ANK2: variants seen among roughly 807,000 people sequenced by gnomAD.
The protein encoded by ANK2 is ankyrin 2.
Under a neutral mutation model 360.5 loss-of-function variants are expected in ANK2, and 83 were observed. The ratio of observed to expected loss-of-function variants is 0.23; its 90% CI spans 0.19 to 0.28. The LOEUF (loss-of-function observed/expected upper bound fraction) is 0.28, where lower values mean the gene tolerates loss of function less well. ANK2 is among the 10% of genes least tolerant of loss of function. The pLI, the probability that ANK2 is intolerant of heterozygous loss-of-function variation, is 1.00. For missense variants in ANK2, 4,201 were observed against 4,795.7 expected, an observed-to-expected ratio of 0.88 and a Z score of 3.66; for synonymous variants, 1,740 against 1,759.5, an observed-to-expected ratio of 0.99 and a Z score of 0.28.
Position 113,358,558 on chromosome 4 carries a change from C to T in ANK2, c.9940C>T (p.Pro3314Ser). ...TGTAAGGACTATGCCCACTTCCACC[C>T]CAGCACCTCCATCTGCAGAGTATGA... ...IPVRTMPTST[P>S]APPSAEYESS... The change falls in exon 38 of 46, where the codon CCA becomes TCA. Residue 3314 changes from proline to serine, a missense_variant. Pro to Ser is a moderately conservative substitution (Grantham distance 74). Transcript: ENST00000357077. The T allele has an allele frequency of 6.2e-7, 1 of 1,614,062 alleles. No individual in the cohort carries two copies. Among genetic ancestry groups the T allele is most frequent in the African/African-American group, 1.3e-5 (1 of 75,044 alleles).
At chr4:113,026,668 A>G (rs996245925) in intron 2 of ANK2, among the ~76,000 whole-genome samples, 3 of 152,166 alleles carry the variant, frequency 2.0e-5, no homozygotes, top group Non-Finnish European at 2.9e-5. Context: ...GAACATAGAA[A>G]AGATTTAGTA....
chr4:113,148,292 C>T (rs748214005), intron 1 of ANK2, among the ~76,000 whole-genome samples: 13 of 152,114 alleles, frequency 8.5e-5, no homozygotes, highest in Non-Finnish European at 1.3e-4. Flanking sequence ...TCATGTATTT[C>T]TATTGTGGTT....
intron 1 of ANK2, among the ~76,000 whole-genome samples, chr4:113,173,625 C>A (rs2098080081): frequency 6.6e-6 from 1 of 152,184 alleles, no homozygotes; most frequent in Non-Finnish European, 1.5e-5. Flanking sequence ...TCTGGAGCAA[C>A]TCTCTTCGGA....
chr4:112,715,721 C>G, the ANK2 span, among the ~76,000 whole-genome samples: 3 of 152,290 alleles, frequency 2.0e-5, no homozygotes, highest in East Asian at 5.8e-4. Flanking sequence ...CACCCTCAGA[C>G]ACAAGCTCTA....
At chr4:113,185,029 A>G (rs145085251) in intron 2 of ANK2, among the ~76,000 whole-genome samples, 1 of 152,334 alleles carries the variant, frequency 6.6e-6, no homozygotes, top group East Asian at 1.9e-4. Context: ...TGCAAAGGAC[A>G]TGAACTCATC....
At chr4:113,329,118 G>C (rs371254672) in intron 26 of ANK2, among the ~76,000 whole-genome samples, 2 of 152,220 alleles carry the variant, frequency 1.3e-5, no homozygotes, top group African/African-American at 4.8e-5. Context: ...TTGTGAAAGA[G>C]AGTACACACA....
intron 29 of ANK2, among the ~76,000 whole-genome samples, chr4:113,334,208 G>A (rs1321697240): frequency 6.6e-6 from 1 of 152,150 alleles, no homozygotes; most frequent in Non-Finnish European, 1.5e-5. Flanking sequence ...AATAAGAATA[G>A]AGGCCAGGCT....
intron 2 of ANK2, among the ~76,000 whole-genome samples, chr4:113,017,805 G>A (rs2057036955): frequency 2.0e-5 from 3 of 152,174 alleles, no homozygotes; most frequent in Admixed American, 2.0e-4. Context: ...AATGGTATGT[G>A]ATGCAATGGG....
chr4:112,920,635 A>G (rs897781484), intron 2 of ANK2, among the ~76,000 whole-genome samples: 17 of 152,190 alleles, frequency 1.1e-4, no homozygotes, highest in Admixed American at 3.9e-4. Flanking sequence ...ATTCTCTTGG[A>G]TTTCCACAGG....
intron 27 of ANK2, 69 bp downstream of exon 27, chr4:113,330,539 G>C: frequency 6.6e-7 from 1 of 1,513,692 alleles, no homozygotes; most frequent in Non-Finnish European, 9.1e-7. Context: ...AAATCACTAG[G>C]ATGGAATGGA....
At chr4:112,844,642 G>C (rs910232960) in intron 1 of ANK2, among the ~76,000 whole-genome samples, 1 of 152,138 alleles carries the variant, frequency 6.6e-6, no homozygotes, top group African/African-American at 2.4e-5. Flanking sequence ...ATCAAAATAG[G>C]TAAAATACCT....
intron 37 of ANK2, 136 bp from the exon 38 acceptor site, chr4:113,352,909 T>A: frequency 1.1e-6 from 1 of 929,242 alleles, no homozygotes; most frequent in Non-Finnish European, 1.6e-6. Context: ...GGATCTACCA[T>A]TCCCAGCCCA....
chr4:113,278,479 A>G lies in ANK2; in HGVS notation c.1802A>G (p.His601Arg), dbSNP rs2061063570. ...TTACAGAACGGCCTTACCCCGCTCC[A>G]TGTTGCTGCTCATTATGACAACCAG... ...SAGKNGLTPLHVAAHYDNQKV... is the reference protein window; with the variant it reads ...SAGKNGLTPLRVAAHYDNQKV... Residue 601 changes from histidine to arginine, a missense_variant, in exon 17 of 46, where the codon CAT becomes CGT. This residue lies in a region of ANK2 where 1,268 missense variants were observed against 1,650.8 expected (regional missense o/e 0.77). Coordinates refer to ENST00000357077, the MANE Select transcript of ANK2 (RefSeq NM_001148.6). 1.9e-6 allele frequency: 3 copies of G among 1,613,978 alleles called. No homozygotes were observed. The highest frequency in any genetic ancestry group is 1.7e-6 in the Non-Finnish European group (2 of 1,179,942).
intron 13 of ANK2, 130 bp downstream of exon 13, chr4:113,258,541 A>G: frequency 1.2e-6 from 1 of 842,000 alleles, no homozygotes; most frequent in African/African-American, 1.6e-5. Flanking sequence ...GGGCCCTTGT[A>G]ATAACACATT....
intron 14 of ANK2, among the ~76,000 whole-genome samples, chr4:113,271,616 A>T (rs1248659020): frequency 6.6e-6 from 1 of 152,214 alleles, no homozygotes; most frequent in Non-Finnish European, 1.5e-5. Flanking sequence ...CAAGGTTGAG[A>T]TTGCTGCGTA....
At chr4:112,802,460 T>C in the ANK2 span, among the ~76,000 whole-genome samples, 1 of 152,206 alleles carries the variant, frequency 6.6e-6, no homozygotes, top group Non-Finnish European at 1.5e-5. Flanking sequence ...TTCCCATTCA[T>C]TTCAATATAT....
the ANK2 span, among the ~76,000 whole-genome samples, chr4:112,725,382 A>G: frequency 1.0e-5 from 1 of 97,224 alleles, no homozygotes; most frequent in Non-Finnish European, 2.0e-5. Flanking sequence ...TTTTTTTGAG[A>G]CAGAGCCTTG....
the ANK2 span, among the ~76,000 whole-genome samples, chr4:112,728,981 A>G: frequency 3.9e-5 from 6 of 152,202 alleles, no homozygotes; most frequent in East Asian, 7.8e-4. Context: ...CTGAGATGGT[A>G]GGTCTACATC....
At chr4:113,125,007 TATCTTA>T (rs2154373993) in intron 1 of ANK2, among the ~76,000 whole-genome samples, 1 of 152,284 alleles carries the variant, frequency 6.6e-6, no homozygotes, top group African/African-American at 2.4e-5. Context: ...TATAAACATG[TATCTTA>T]ATCTAATCAA....
Sources: allele counts gnomAD v4.1 joint callset (sites outside exome capture counted in the v4.1 genomes callset), GRCh38; gene constraint gnomAD v4.1.1; regional missense constraint gnomAD v4.1.1; transcripts MANE v1.5; gene names NCBI Gene and HGNC (gene_info 2026-07-23, HGNC 2026-07-21).